PLD4: variants seen among roughly 807,000 people sequenced by gnomAD.
The protein encoded by PLD4 is phospholipase D family member 4.
PLD4 carries 54 observed loss-of-function variants against 52.3 expected under a neutral mutation model. The observed-to-expected ratio is 1.03, with a 90% CI of 0.83 to 1.30. PLD4 has a LOEUF of 1.30. Among genes scored for constraint, PLD4 ranks in the 50% most tolerant of loss-of-function variants. PLD4 has a pLI of 0.00. For missense variants in PLD4, 731 were observed against 671.1 expected (o/e 1.09, Z -0.99); for synonymous variants, 264 against 286.5 (o/e 0.92, Z 0.79).
downstream of PLD4, chr14:104,937,089 C>G (rs1230558339): frequency 6.6e-6 from 1 of 152,278 alleles, no homozygotes; most frequent in Non-Finnish European, 1.5e-5. Flanking sequence ...CTCACAGCCT[C>G]TGGCTCAGAG....
At chr14:104,935,394 C>T (rs1355465748), downstream of PLD4, 1 of 152,288 alleles carries the variant, frequency 6.6e-6, no homozygotes, top group African/African-American at 2.4e-5. Context: ...CTGACAGAGG[C>T]CTGCTTCAAG....
rs779507202 is a variant in PLD4, at chr14:104,932,258, G to C, written c.1225-1G>C. ...TGACGCGCTGCCTCTGCTCCCCTAA[G>C]AAAGTCTTCATCGTGCCGGTGGGGA... is the stretch of plus-strand genomic sequence containing the variant. On this transcript the variant is annotated splice_acceptor_variant, in intron 9 of 10. Transcript: ENST00000392593. LOFTEE classifies it high-confidence loss of function. This position sits in a 1 kb window ranked among gnomAD's most constrained non-coding sequence, Gnocchi z 6.5. 7 of 1,612,690 alleles carry C rather than the reference G, an allele frequency of 4.3e-6. No homozygotes were observed. In the East Asian group the frequency reaches 1.6e-4, roughly 36 times the overall value.
chr14:104,929,529 GCCCTGGACTT>G, intron 5 of PLD4, 102 bp downstream of exon 5: 1 of 1,447,348 alleles, frequency 6.9e-7, no homozygotes, highest in East Asian at 2.5e-5. Flanking sequence ...TGGGAAAGGT[GCCCTGGACTT>G]CCCTAGGACA....
downstream of PLD4, chr14:104,934,550 G>C (rs1371428521): frequency 1.3e-5 from 2 of 152,224 alleles, no homozygotes; most frequent in Non-Finnish European, 2.9e-5. Flanking sequence ...GCCATGCTAG[G>C]CTGGAGTTCA....
Position 104,928,742 on chromosome 14 carries a change from C to A in PLD4, c.285-7C>A. ...CCATACTGAGCCCAGTGTGGCTCTC[C>A]CCACAGGCTTGTCCTTGTGGAAAGC... On this transcript the variant is annotated splice_region_variant and splice_polypyrimidine_tract_variant and intron_variant, in intron 3 of 10. Transcript: ENST00000392593. The A allele has an allele frequency of 6.4e-7, 1 of 1,567,872 alleles. No individual in the cohort carries two copies.
At chr14:104,926,126 C>T (rs976328916) in intron 1 of PLD4, among the ~76,000 whole-genome samples, 1 of 152,130 alleles carries the variant, frequency 6.6e-6, no homozygotes, top group Non-Finnish European at 1.5e-5. Context: ...GCCCTGGGTC[C>T]CAGCGCCCAG....
chr14:104,928,436 C>T (rs1897528509), intron 3 of PLD4, among the ~76,000 whole-genome samples: 3 of 152,198 alleles, frequency 2.0e-5, no homozygotes, highest in Admixed American at 2.0e-4. Flanking sequence ...TCCCTGTGGG[C>T]AGTGCCTCAG....
rs200388619 is a variant in PLD4, at chr14:104,931,883, C to G, written c.1054C>G (p.Pro352Ala). ...YFPTTRFSHP[P>A]RYWPVLDNAL... Reference sequence around the variant, plus strand: ...CCCCACCACGCGCTTCAGCCACCCCCCGAGGTAGGTCTGAGTGGGAGGTGG... The same window carrying G: ...CCCCACCACGCGCTTCAGCCACCCCGCGAGGTAGGTCTGAGTGGGAGGTGG... The change falls in exon 8 of 11, where the codon CCG becomes GCG. Residue 352 changes from proline to alanine, a missense_variant. Transcript: ENST00000392593. 18 of 1,540,144 alleles carry G rather than the reference C, an allele frequency of 1.2e-5. No homozygotes were observed. Among genetic ancestry groups the G allele is most frequent in the Middle Eastern group, 1.7e-4 (1 of 5,752 alleles).
In PLD4 at chr14:104,932,380, G is replaced by A. The variant is rs567464502; in HGVS notation, c.1321+25G>A. On this transcript the variant is annotated intron_variant, in intron 10 of 10. Transcript: ENST00000392593. The surrounding 1 kb of genome is among the most constrained non-coding windows in gnomAD (Gnocchi z 6.5). Reference sequence around the variant, plus strand: ...GGTGAGCGCGATCAGATCACGGCGGGCGGGCCCCAGGGTGGCCAGGCACGG... The same window carrying A: ...GGTGAGCGCGATCAGATCACGGCGGACGGGCCCCAGGGTGGCCAGGCACGG... 119 of 1,610,028 alleles carry A rather than the reference G, an allele frequency of 7.4e-5. 2 individuals carry two copies. The South Asian group carries it at 1.2e-3, about 17-fold the overall frequency.
chr14:104,930,055 C>T lies in PLD4; in HGVS notation c.667C>T (p.Arg223Trp), dbSNP rs371620185. ...LHSKFWVVDG[R>W]HIYMGSANMD... ...CTCCAAATTCTGGGTTGTGGATGGA[C>T]GGCACATATACATGGGCAGTGCCAA... The change falls in exon 6 of 11, where the codon CGG (arginine) becomes TGG (tryptophan). Residue 223 changes from arginine (R) to tryptophan (W), a missense_variant. By Grantham distance (101) the Arg-to-Trp change is moderately radical (BLOSUM62 -3). Transcript: ENST00000392593. The T allele has an allele frequency of 8.2e-5, 133 of 1,613,604 alleles. No homozygotes were observed. Among genetic ancestry groups the T allele is most frequent in the South Asian group, 6.0e-4 (55 of 91,084 alleles).
chr14:104,932,010 A>C lies in PLD4; in HGVS notation c.1059-2A>C, dbSNP rs1897663359. ...CAGAGCCCCGTCCCTCCCCACCCCAAGGTACTGGCCGGTGCTGGACAACGC... is the reference window on the plus strand; with the variant it reads ...CAGAGCCCCGTCCCTCCCCACCCCACGGTACTGGCCGGTGCTGGACAACGC... On this transcript the variant is annotated splice_acceptor_variant, in intron 8 of 10. Coordinates refer to ENST00000392593, the MANE Select transcript of PLD4 (RefSeq NM_138790.5). LOFTEE classifies it high-confidence loss of function. This position sits in a 1 kb window ranked among gnomAD's most constrained non-coding sequence, Gnocchi z 6.5. 1 of 1,583,570 alleles carries C rather than the reference A, an allele frequency of 6.3e-7. No homozygotes were observed. The highest frequency in any genetic ancestry group is 1.1e-5 in the South Asian group (1 of 87,408).
chr14:104,936,896 C>T (rs935791862), downstream of PLD4: 1 of 152,266 alleles, frequency 6.6e-6, no homozygotes, highest in African/African-American at 2.4e-5. Context: ...CCAAGAGCGC[C>T]TCTGTGGTGA....
chr14:104,930,716 A>G (rs762627734), intron 6 of PLD4, 26 bp from the exon 7 acceptor site: 57 of 1,612,342 alleles, frequency 3.5e-5, no homozygotes, highest in Non-Finnish European at 4.8e-5. Flanking sequence ...TTTTTCTCCC[A>G]CAGCGCCTGA....
chr14:104,928,890 C>T lies in PLD4; in HGVS notation c.426C>T (p.Leu142=), dbSNP rs45492893. The change falls in exon 4 of 11, where the codon CTC becomes CTT. Residue 142 remains leucine, a synonymous_variant. Transcript: ENST00000392593. ...ACGTGGCTTCATACTACTGGTCCCTCACAGGGCCTGACATCGGGGTCAACG... is the reference window on the plus strand; with the variant it reads ...ACGTGGCTTCATACTACTGGTCCCTTACAGGGCCTGACATCGGGGTCAACG... ...SVHVASYYWS[L]TGPDIGVNDS... 6.2e-4 allele frequency: 992 copies of T among 1,609,946 alleles called. No individual in the cohort carries two copies. The highest frequency in any genetic ancestry group is 8.1e-4 in the Non-Finnish European group (950 of 1,177,446).
rs766880811 is a variant in PLD4 at position 104,928,888 on chromosome 14, C to T, written c.424C>T (p.Leu142Phe). The T allele has an allele frequency of 3.7e-6, 6 of 1,609,878 alleles. No homozygotes were observed. The South Asian group carries it at 6.6e-5, about 18-fold the overall frequency. ...SVHVASYYWSLTGPDIGVNDS... is the reference protein window; with the variant it reads ...SVHVASYYWSFTGPDIGVNDS... ...CCACGTGGCTTCATACTACTGGTCC[C>T]TCACAGGGCCTGACATCGGGGTCAA... Residue 142 changes from leucine (L) to phenylalanine (F), a missense_variant, in exon 4 of 11, where the codon CTC (leucine) becomes TTC (phenylalanine). Leu to Phe is a conservative substitution (Grantham distance 22). Coordinates refer to ENST00000392593, the MANE Select transcript of PLD4 (RefSeq NM_138790.5).
chr14:104,930,106 G>A lies in PLD4; in HGVS notation c.717+1G>A, dbSNP rs778423710. The A allele has an allele frequency of 6.2e-7, 1 of 1,613,206 alleles. No individual in the cohort carries two copies. Among genetic ancestry groups the A allele is most frequent in the Non-Finnish European group, 8.5e-7 (1 of 1,179,958 alleles). ...CATGGACTGGCGGTCTCTGACGCAGGTGAGTGCCAGGGCCCTAACACAGGA... is the reference window on the plus strand; with the variant it reads ...CATGGACTGGCGGTCTCTGACGCAGATGAGTGCCAGGGCCCTAACACAGGA... On this transcript the variant is annotated splice_donor_variant, in intron 6 of 10. Coordinates refer to ENST00000392593, the MANE Select transcript of PLD4 (RefSeq NM_138790.5). LOFTEE classifies it high-confidence loss of function.
In PLD4 at chr14:104,932,431, C is replaced by T. The variant is rs1897687258; in HGVS notation, c.1321+76C>T. ...GCGAGGGAGGCACTGGCTTTGTGAC[C>T]GGCGTGGACACCTCAGGAGGGAGGG... On this transcript the variant is annotated intron_variant, in intron 10 of 10. Transcript: ENST00000392593. The surrounding 1 kb of genome is among the most constrained non-coding windows in gnomAD (Gnocchi z 6.5). 5 of 1,490,452 alleles carry T rather than the reference C, an allele frequency of 3.4e-6. No individual in the cohort carries two copies. The highest frequency in any genetic ancestry group is 3.7e-6 in the Non-Finnish European group (4 of 1,075,358). The allele number at this position is 1,490,452 out of a possible 1,614,324, so 92.3% of individuals were successfully genotyped here. A position where few individuals can be genotyped will look rare whatever the true frequency, so the allele number is the denominator to read the frequency against.
At position 104,930,856 on chromosome 14, in the gene PLD4, T is replaced by C; in HGVS notation, c.832T>C (p.Trp278Arg). 1 of 1,613,598 alleles carries C rather than the reference T, an allele frequency of 6.2e-7. No homozygotes were observed. The highest frequency in any genetic ancestry group is 1.1e-5 in the South Asian group (1 of 91,086). Residue 278 changes from tryptophan (W) to arginine (R), a missense_variant, in exon 7 of 11, where the codon TGG (tryptophan) becomes CGG (arginine). Trp to Arg is a moderately radical substitution (Grantham distance 101). Transcript: ENST00000392593. ...GCCCAAGGCTGTCCTCCCCAAAACC[T>C]GGCCTCAGAACTTCTCATCTCACTT... ...GVPKAVLPKTWPQNFSSHFNR... is the reference protein window; with the variant it reads ...GVPKAVLPKTRPQNFSSHFNR...
intron 1 of PLD4, among the ~76,000 whole-genome samples, chr14:104,925,344 G>T (rs887272373): frequency 6.6e-6 from 1 of 152,208 alleles, no homozygotes; most frequent in Admixed American, 6.5e-5. Flanking sequence ...CTCTGCAGGG[G>T]TCTCTCAGCT....
Sources: allele counts gnomAD v4.1 joint callset (sites outside exome capture counted in the v4.1 genomes callset), GRCh38; gene constraint gnomAD v4.1.1; non-coding constraint Gnocchi (gnomAD v3.1); transcripts MANE v1.5; gene names NCBI Gene and HGNC (gene_info 2026-07-23, HGNC 2026-07-21).